NOX5: variants seen among roughly 807,000 people sequenced by gnomAD.
NOX5 encodes the protein NADPH oxidase 5, also known as NADPH oxidase, EF-hand calcium binding domain 5.
In NOX5, 76 loss-of-function variants were observed where a neutral mutation model predicts 85.7. The ratio of observed to expected loss-of-function variants is 0.89; its 90% confidence interval spans 0.74 to 1.07. The LOEUF (loss-of-function observed/expected upper bound fraction) is 1.07. Among genes scored for constraint, NOX5 ranks in the 50% least tolerant of loss-of-function variants. The pLI, the probability that NOX5 is intolerant of heterozygous loss-of-function variation, is 0.00. For missense variants in NOX5, 973 were observed against 999.5 expected (o/e 0.97, Z 0.36); for synonymous variants, 405 against 401.4 (o/e 1.01, Z -0.11).
intron 8 of NOX5, 139 bp downstream of exon 8, chr15:69,037,349 A>G (rs565718684): frequency 2.3e-6 from 2 of 880,136 alleles, no homozygotes; most frequent in African/African-American, 1.7e-5. Context: ...TATGGAGGAG[A>G]GAAGCAAAAT....
intron 9 of NOX5, among the ~76,000 whole-genome samples, chr15:69,042,253 T>G (rs2050604267): frequency 6.6e-6 from 1 of 152,112 alleles, no homozygotes; most frequent in African/African-American, 2.4e-5. Flanking sequence ...ATCCCAGGCA[T>G]GGGTATCATG....
intron 9 of NOX5, 135 bp downstream of exon 9, chr15:69,039,124 G>GAAA (rs2050560450): frequency 3.0e-6 from 3 of 1,011,782 alleles, no homozygotes; most frequent in Non-Finnish European, 4.5e-6. Context: ...AGCTCTCTTT[G>GAAA]AAGTGGGAGC....
In NOX5 at chr15:69,028,798, G is replaced by A. The variant is rs184368031; in HGVS notation, c.325+433G>A. The stretch of plus-strand genomic sequence containing the variant: ...ATCACCCGTAACATTTTGCTATATT[G>A]CCTTCTAACTGGTTGCACATACACA... On this transcript the variant is annotated intron_variant, in intron 3 of 15. Coordinates refer to ENST00000388866, the MANE Select transcript of NOX5 (RefSeq NM_024505.4). 4 of 150,194 alleles carry A rather than the reference G, an allele frequency of 2.7e-5. 1 individual carries two copies. In the East Asian group the frequency reaches 5.9e-4, roughly 22 times the overall value. 9.3% of individuals were successfully genotyped at this position (150,194 alleles called of 1,614,324 possible). A position where few individuals can be genotyped will look rare whatever the true frequency, so the allele number is the denominator to read the frequency against.
At chr15:69,044,272 G>A (rs936356075) in intron 10 of NOX5, among the ~76,000 whole-genome samples, 3 of 152,040 alleles carry the variant, frequency 2.0e-5, no homozygotes, top group African/African-American at 7.3e-5. Context: ...CACAGCATCT[G>A]CTATTTTCCA....
At chr15:69,054,269 G>A (rs2050783425) in intron 14 of NOX5, among the ~76,000 whole-genome samples, 1 of 152,184 alleles carries the variant, frequency 6.6e-6, no homozygotes, top group African/African-American at 2.4e-5. Flanking sequence ...GCCCACCTGG[G>A]AGCCCCTGAG....
In NOX5 at chr15:69,056,938, A is replaced by C. The variant is rs1472609260; in HGVS notation, c.*242A>C. 2.8e-6 allele frequency: 1 copy of C among 361,136 alleles called. No individual in the cohort carries two copies. The highest frequency in any genetic ancestry group is 2.1e-5 in the African/African-American group (1 of 48,536). 22.4% of individuals were successfully genotyped at this position (361,136 alleles called of 1,614,324 possible). The stretch of plus-strand genomic sequence containing the variant: ...CTGTAGATTCTGGGGTTTCTGTGAA[A>C]GTGAGGGAACCAGAGGCTGGTCACG... On this transcript the variant is annotated 3_prime_UTR_variant, in exon 16 of 16. Transcript: ENST00000388866.
At position 69,056,584 on chromosome 15, in the gene NOX5, CT is replaced by C. The variant is rs1209308227; in HGVS notation, c.2187del (p.Glu730ArgfsTer20). The C allele has an allele frequency of 2.5e-6, 4 of 1,613,324 alleles. No homozygotes were observed. The Admixed American group carries it at 6.7e-5, about 27-fold the overall frequency. ...DWSKVFQKVA[A>X]EKKGKVQVFF... ...CTCCAGGTGTTCCAGAAAGTGGCTG[CT>C]GAGAAGAAGGGCAAGGTGCAGGTCT... On this transcript the variant is annotated frameshift_variant, in exon 16 of 16. Transcript: ENST00000388866. LOFTEE classifies it high-confidence loss of function.
Position 69,059,337 on chromosome 15 carries a change from CA to C in NOX5, c.*2644del, listed in dbSNP as rs1220085588. 2.0e-5 allele frequency: 3 copies of C among 152,110 alleles called. No individual in the cohort carries two copies. Among genetic ancestry groups the C allele is most frequent in the Admixed American group, 2.0e-4 (3 of 15,278 alleles). The allele number at this position is 152,110 out of a possible 1,614,324, so 9.4% of individuals were successfully genotyped here. A position where few individuals can be genotyped will look rare whatever the true frequency, so the allele number is the denominator to read the frequency against. The stretch of plus-strand genomic sequence containing the variant: ...GACTGGTCCGTGAGTGGCAGTTAAT[CA>C]AAGGGAAAGGGGCTGGGAAGACAAC... On this transcript the variant is annotated 3_prime_UTR_variant, in exon 16 of 16. Coordinates refer to ENST00000388866, the MANE Select transcript of NOX5 (RefSeq NM_024505.4).
chr15:69,023,548 C>T, intron 1 of NOX5: 1 of 278,924 alleles, frequency 3.6e-6, no homozygotes, highest in South Asian at 3.7e-5. Context: ...TCATAGAGCT[C>T]TTTGTGCTAG....
chr15:69,028,393 G>A, intron 3 of NOX5, 28 bp downstream of exon 3: 1 of 1,552,726 alleles, frequency 6.4e-7, no homozygotes, highest in Non-Finnish European at 8.7e-7. Flanking sequence ...GTGTGGGCTG[G>A]GGTGGGGAGA....
intron 1 of NOX5, among the ~76,000 whole-genome samples, chr15:69,018,355 A>G (rs2050255811): frequency 6.6e-6 from 1 of 151,864 alleles, no homozygotes; most frequent in Non-Finnish European, 1.5e-5. Context: ...AAACATTTAC[A>G]CTCTGTTGTC....
At chr15:69,021,114 A>C (rs1039061712) in intron 1 of NOX5, among the ~76,000 whole-genome samples, 2 of 152,168 alleles carry the variant, frequency 1.3e-5, no homozygotes, top group East Asian at 1.9e-4. Flanking sequence ...ATTTTAGTTA[A>C]AGCTTTGTAT....
intron 3 of NOX5, chr15:69,028,566 C>T (rs78366662): frequency 0.011 from 4,563 of 405,646 alleles, 40 homozygotes; most frequent in East Asian, 0.024. Context: ...AATCCCTGCC[C>T]CCCTTTCTGG....
intron 14 of NOX5, among the ~76,000 whole-genome samples, chr15:69,051,087 T>A (rs968350706): frequency 2.0e-5 from 3 of 152,142 alleles, no homozygotes; most frequent in African/African-American, 7.2e-5. Context: ...TCTCCTTCTC[T>A]CCTTCTCACC....
Position 69,018,254 on chromosome 15 carries a change from C to T in NOX5, c.50+3469C>T, listed in dbSNP as rs905779365. 5.9e-5 allele frequency among the ~76,000 whole-genome samples: 9 copies of T among 151,952 alleles called. 1 individual carries two copies. The highest frequency in any genetic ancestry group is 1.3e-4 in the Non-Finnish European group (9 of 67,994). On this transcript the variant is annotated intron_variant, in intron 1 of 15. Coordinates refer to ENST00000388866, the MANE Select transcript of NOX5 (RefSeq NM_024505.4). ...AGAATGGGCAAGGAGGCTGCAGGGC[C>T]AGGCCTGGGGACCGGGTACTTGCTC...
intron 10 of NOX5, among the ~76,000 whole-genome samples, chr15:69,045,550 T>TTCTTTCTTTCTTTCTTTC (rs2050656199): frequency 7.4e-6 from 1 of 136,014 alleles, no homozygotes; most frequent in Non-Finnish European, 1.5e-5. Flanking sequence ...CTTTCTTTCT[T>TTCTTTCTTTCTTTCTTTC]TCTTTCTTTC....
intron 4 of NOX5, 76 bp from the exon 5 acceptor site, chr15:69,032,967 A>AG (rs977320111): frequency 1.4e-4 from 212 of 1,506,864 alleles, no homozygotes; most frequent in Non-Finnish European, 1.7e-4. Context: ...CATAGCTTGA[A>AG]GGGGGTCTTT....
At chr15:69,035,561 C>T in intron 6 of NOX5, 54 bp downstream of exon 6, 3 of 1,600,316 alleles carry the variant, frequency 1.9e-6, no homozygotes, top group Non-Finnish European at 2.6e-6. Flanking sequence ...AGCCTCAAGC[C>T]CAGAATGCAG....
At chr15:69,022,475 A>T in intron 1 of NOX5, 1 of 176,614 alleles carries the variant, frequency 5.7e-6, no homozygotes, top group Non-Finnish European at 1.2e-5. Flanking sequence ...CCGCAAGTGG[A>T]GGCATTATTA....
Sources: allele counts gnomAD v4.1 joint callset (sites outside exome capture counted in the v4.1 genomes callset), GRCh38; gene constraint gnomAD v4.1.1; transcripts MANE v1.5; gene names NCBI Gene and HGNC (gene_info 2026-07-23, HGNC 2026-07-21).